Variants in DLGAP1 observed in about 807,000 individuals in gnomAD.
The protein encoded by DLGAP1 is disks large-associated protein 1.
Under a neutral mutation model 90.8 loss-of-function variants are expected in DLGAP1, and 11 were observed. The observed-to-expected ratio is 0.12, with a 90% CI of 0.08 to 0.20. The LOEUF is 0.20. DLGAP1 is among the 10% of genes least tolerant of loss of function. The pLI is 1.00. For synonymous variants in DLGAP1, 558 were observed against 540.7 expected (o/e 1.03, Z -0.44); for missense variants, 1,050 against 1,333.8 (o/e 0.79, Z 3.31).
intron 2 of DLGAP1, among the ~76,000 whole-genome samples, chr18:4,119,294 A>G (rs1205139969): frequency 6.6e-6 from 1 of 151,956 alleles, no homozygotes; most frequent in African/African-American, 2.4e-5. Flanking sequence ...GGTTCTCACT[A>G]TGTCTCACGG....
chr18:4,354,764 T>C (rs112228757), intron 1 of DLGAP1, among the ~76,000 whole-genome samples: 6 of 151,782 alleles, frequency 4.0e-5, no homozygotes, highest in Admixed American at 2.0e-4. Context: ...TCCTTGTATA[T>C]ACATGTCTCA....
chr18:4,180,833 G>C (rs2077195615), intron 1 of DLGAP1, among the ~76,000 whole-genome samples: 1 of 152,100 alleles, frequency 6.6e-6, no homozygotes, highest in Admixed American at 6.6e-5. Flanking sequence ...TTTCAGTAAA[G>C]ATTTGCTGGG....
At position 3,646,797 on chromosome 18, in the gene DLGAP1, C is replaced by T. The variant is rs190707623; in HGVS notation, c.1592-64549G>A. On this transcript the variant is annotated intron_variant, in intron 7 of 12. Transcript: ENST00000315677. Reference sequence around the variant, plus strand: ...AAAATTAGCCGGGCGTGGTGGTGGGCGCCTGTAGTCCCAGCTACTCGGGAG... The same window carrying T: ...AAAATTAGCCGGGCGTGGTGGTGGGTGCCTGTAGTCCCAGCTACTCGGGAG... 7.5e-3 allele frequency among the ~76,000 whole-genome samples: 1,146 copies of T among 151,856 alleles called. 19 individuals are homozygous for T. Among genetic ancestry groups the T allele is most frequent in the African/African-American group, 0.026 (1,092 of 41,412 alleles).
At chr18:4,453,675 C>T (rs1187155218) in intron 1 of DLGAP1, among the ~76,000 whole-genome samples, 4 of 152,196 alleles carry the variant, frequency 2.6e-5, no homozygotes, top group African/African-American at 9.7e-5. Flanking sequence ...TCTATCCTCA[C>T]CTTCTACGAA....
intron 2 of DLGAP1, among the ~76,000 whole-genome samples, chr18:4,065,767 A>G (rs368295055): frequency 1.3e-5 from 2 of 152,166 alleles, no homozygotes; most frequent in Non-Finnish European, 2.9e-5. Context: ...TATAAATTCA[A>G]TGCTATCCCC....
At position 4,342,195 on chromosome 18, in the gene DLGAP1, G is replaced by A. The variant is rs897780128; in HGVS notation, c.-267+112811C>T. Among the ~76,000 whole-genome samples, 1 of 152,048 alleles carries A rather than the reference G, an allele frequency of 6.6e-6. No homozygotes were observed. Among genetic ancestry groups the A allele is most frequent in the Non-Finnish European group, 1.5e-5 (1 of 68,006 alleles). ...GGTAGTCTCTTCTGACACCCAGTTT[G>A]GCAGTAGGGTGTTTCTAGAAATGGT... On this transcript the variant is annotated intron_variant, in intron 1 of 12. Transcript: ENST00000315677. The surrounding 1 kb of genome is among the most constrained non-coding windows in gnomAD (Gnocchi z 5.8).
intron 3 of DLGAP1, among the ~76,000 whole-genome samples, chr18:3,994,224 T>C (rs553495458): frequency 2.6e-5 from 4 of 152,248 alleles, no homozygotes; most frequent in East Asian, 3.9e-4. Context: ...TCTGTGCCAC[T>C]TCCTCCCTGT....
intron 3 of DLGAP1, among the ~76,000 whole-genome samples, chr18:3,957,211 A>G (rs1599218373): frequency 6.6e-6 from 1 of 152,298 alleles, no homozygotes; most frequent in African/African-American, 2.4e-5. Flanking sequence ...GACTGATTTG[A>G]AGATGCTTTG....
chr18:3,731,816 A>C (rs934071280), intron 6 of DLGAP1, among the ~76,000 whole-genome samples: 12 of 152,332 alleles, frequency 7.9e-5, no homozygotes, highest in Non-Finnish European at 8.8e-5. Context: ...TTAATGAATT[A>C]TAATAAGGCA....
At chr18:3,748,627 C>T (rs2063369360) in intron 5 of DLGAP1, among the ~76,000 whole-genome samples, 2 of 152,194 alleles carry the variant, frequency 1.3e-5, no homozygotes, top group Non-Finnish European at 2.9e-5. Flanking sequence ...GTTAATCTAA[C>T]TTCATTGTAT....
At chr18:4,295,803 A>T (rs762950205) in intron 1 of DLGAP1, among the ~76,000 whole-genome samples, 2 of 152,228 alleles carry the variant, frequency 1.3e-5, no homozygotes, top group Non-Finnish European at 2.9e-5. Context: ...GTAAAACACA[A>T]ATTTGTGCTC....
At chr18:4,202,891 T>C (rs2077633880) in intron 1 of DLGAP1, among the ~76,000 whole-genome samples, 1 of 152,164 alleles carries the variant, frequency 6.6e-6, no homozygotes, top group African/African-American at 2.4e-5. Context: ...GACAGTAAAA[T>C]GATAATTTAA....
At chr18:3,984,991 C>T (rs766823452) in intron 3 of DLGAP1, among the ~76,000 whole-genome samples, 11 of 152,116 alleles carry the variant, frequency 7.2e-5, no homozygotes, top group Non-Finnish European at 1.3e-4. Flanking sequence ...CTTATTTCCA[C>T]CCTCATTGTT....
At chr18:4,118,458 G>A (rs185491283) in intron 2 of DLGAP1, among the ~76,000 whole-genome samples, 1 of 152,268 alleles carries the variant, frequency 6.6e-6, no homozygotes, top group Admixed American at 6.5e-5. Flanking sequence ...GGTGATCAGG[G>A]CCTCACTATT....
chr18:4,365,764 C>T (rs2081749752), intron 1 of DLGAP1, among the ~76,000 whole-genome samples: 1 of 152,064 alleles, frequency 6.6e-6, no homozygotes, highest in Non-Finnish European at 1.5e-5. Flanking sequence ...AAAATATCCT[C>T]TTCTAATTTT....
chr18:3,540,746 T>A (rs1452653144), intron 9 of DLGAP1, among the ~76,000 whole-genome samples: 5 of 152,172 alleles, frequency 3.3e-5, no homozygotes, highest in African/African-American at 1.2e-4. Context: ...CTTAAATACA[T>A]CATGCTTGAA....
chr18:4,045,444 A>G (rs1197149351), intron 2 of DLGAP1, among the ~76,000 whole-genome samples: 6 of 118,534 alleles, frequency 5.1e-5, no homozygotes, highest in Non-Finnish European at 8.8e-5. Context: ...AAAAAAAAAA[A>G]AAAAAAAAAA....
chr18:4,268,386 A>T (rs2079178159), intron 1 of DLGAP1, among the ~76,000 whole-genome samples: 1 of 152,224 alleles, frequency 6.6e-6, no homozygotes, highest in Non-Finnish European at 1.5e-5. Context: ...AGAAAAAAAT[A>T]GTGAATAAAA....
chr18:4,284,105 G>A (rs591230), intron 1 of DLGAP1, among the ~76,000 whole-genome samples: 140,947 of 151,168 alleles, frequency 0.93, 65,872 homozygotes, highest in South Asian at 0.98. Context: ...GGAGTCTGAG[G>A]CTCAAGCAAT....
Sources: gnomAD v4.1 joint callset for allele counts (sites outside exome capture counted in the v4.1 genomes callset) on GRCh38, gnomAD v4.1.1 for gene constraint, Gnocchi (gnomAD v3.1) non-coding constraint, MANE v1.5 for transcripts, NCBI Gene and HGNC (gene_info 2026-07-23, HGNC 2026-07-21) for gene names.